The following TTC39C variants were observed in gnomAD, a reference collection of about 807,000 sequenced individuals.
TTC39C encodes tetratricopeptide repeat protein 39C.
Under a neutral mutation model 76.3 loss-of-function variants are expected in TTC39C, and 33 were observed. The observed-to-expected ratio is 0.43, with a 90% confidence interval of 0.33 to 0.58. The LOEUF is 0.58. Ranked by LOEUF, TTC39C falls within the 20% of genes least tolerant of loss-of-function variation. TTC39C has a pLI of 0.04. For synonymous variants in TTC39C, 254 were observed against 260.6 expected (o/e 0.97, Z 0.24); for missense variants, 595 against 701.4 (o/e 0.85, Z 1.71).
intron 1 of TTC39C, among the ~76,000 whole-genome samples, chr18:24,043,663 A>G (rs1394646868): frequency 1.3e-5 from 2 of 152,180 alleles, no homozygotes; most frequent in African/African-American, 4.8e-5. Context: ...TCCCACATTC[A>G]GAGCTTTCAC....
At position 24,014,921 on chromosome 18, in the gene TTC39C, C is replaced by T. The variant is rs2083432431; in HGVS notation, c.50C>T (p.Ser17Leu). The T allele has an allele frequency of 1.3e-6, 2 of 1,519,174 alleles. No homozygotes were observed. Among genetic ancestry groups the T allele is most frequent in the African/African-American group, 1.4e-5 (1 of 69,180 alleles). 94.1% of individuals were successfully genotyped at this position (1,519,174 alleles called of 1,614,324 possible). A position where few individuals can be genotyped will look rare whatever the true frequency, so the allele number is the denominator to read the frequency against. Residue 17 changes from serine to leucine, a missense_variant, in exon 1 of 14, where the codon TCG becomes TTG. Ser to Leu is a moderately radical substitution (Grantham distance 145). Transcript: ENST00000317571. ...QRPRRRDDGD[S>L]DAAAAAAAPL... is the part of the protein sequence containing the mutation. ...CCGCGGCGGCGGGACGACGGAGACT[C>T]GGACGCGGCAGCGGCGGCGGCGGCG... is the stretch of plus-strand genomic sequence containing the variant.
chr18:24,011,893 C>A (rs2083396270), upstream of TTC39C, among the ~76,000 whole-genome samples: 1 of 152,142 alleles, frequency 6.6e-6, no homozygotes, highest in African/African-American at 2.4e-5. Flanking sequence ...CTGAAGACTG[C>A]ATTAGTTTTG....
chr18:24,045,889 G>GAAA (rs1193600114), intron 1 of TTC39C, among the ~76,000 whole-genome samples: 1 of 56,352 alleles, frequency 1.8e-5, no homozygotes, highest in African/African-American at 7.4e-5. Context: ...TTCCTTCTGT[G>GAAA]AAAATATATA....
chr18:24,037,048 T>C (rs891680726), intron 1 of TTC39C, among the ~76,000 whole-genome samples: 1 of 152,236 alleles, frequency 6.6e-6, no homozygotes, highest in African/African-American at 2.4e-5. Flanking sequence ...TTGCTCTGGC[T>C]AGGACTTCTA....
At chr18:24,088,128 A>T (rs1432269361) in intron 6 of TTC39C, among the ~76,000 whole-genome samples, 2 of 152,246 alleles carry the variant, frequency 1.3e-5, no homozygotes, top group African/African-American at 4.8e-5. Context: ...TGAAATAAGA[A>T]GATGATCTCC....
intron 1 of TTC39C, among the ~76,000 whole-genome samples, chr18:24,031,565 C>A (rs2083671338): frequency 6.6e-6 from 1 of 152,154 alleles, no homozygotes; most frequent in Non-Finnish European, 1.5e-5. Context: ...TTTTGCCTCT[C>A]AAGTATCTGT....
At chr18:24,104,753 AT>A (rs2084726375) in intron 6 of TTC39C, among the ~76,000 whole-genome samples, 1 of 149,414 alleles carries the variant, frequency 6.7e-6, no homozygotes, top group South Asian at 2.1e-4. Flanking sequence ...TGATGAATGA[AT>A]ACAAAGTACA....
Position 24,105,695 on chromosome 18 carries a change from G to A in TTC39C, c.985-8859G>A, listed in dbSNP as rs967591275. ...GAAAGACACTTCCATGCCACCACAT[G>A]GGTGATGGTGGACAGAGGTGAATGG... On this transcript the variant is annotated intron_variant, in intron 6 of 13. Transcript: ENST00000317571. Among the ~76,000 whole-genome samples, 4 of 152,236 alleles carry A rather than the reference G, an allele frequency of 2.6e-5. No individual in the cohort carries two copies. In the East Asian group the frequency reaches 7.7e-4, roughly 29 times the overall value.
intron 6 of TTC39C, among the ~76,000 whole-genome samples, chr18:24,098,523 GTCCCCTCCCC>G (rs1189197131): frequency 1.2e-3 from 25 of 21,712 alleles, no homozygotes; most frequent in African/African-American, 4.0e-3. Context: ...CTCCCCTCCC[GTCCCCTCCCC>G]TCCCCTCCCC....
intron 8 of TTC39C, chr18:24,121,082 C>T (rs904429582): frequency 5.9e-5 from 9 of 152,118 alleles, no homozygotes; most frequent in African/African-American, 2.2e-4. Context: ...GATCATATAC[C>T]TCTACTATTC....
At chr18:24,002,386 G>C (rs955392630) in intron 1 of TTC39C, among the ~76,000 whole-genome samples, 6 of 152,314 alleles carry the variant, frequency 3.9e-5, no homozygotes, top group Middle Eastern at 3.4e-3. Context: ...ACTCTAACTT[G>C]ATGAGATCTC....
At position 24,103,943 on chromosome 18, in the gene TTC39C, T is replaced by G. The variant is rs7241255; in HGVS notation, c.985-10611T>G. Among the ~76,000 whole-genome samples, 154 of 151,682 alleles carry G rather than the reference T, an allele frequency of 1.0e-3. 1 individual carries two copies. The highest frequency in any genetic ancestry group is 3.0e-3 in the African/African-American group (124 of 41,162). On this transcript the variant is annotated intron_variant, in intron 6 of 13. Transcript: ENST00000317571. ...ACATTCTCTCTCTGTTTTTTTTTTT[T>G]TTGTTTGAGACGGAGTCTTGTTCTG...
chr18:24,067,761 C>CATA (rs2084184279), intron 3 of TTC39C, among the ~76,000 whole-genome samples: 2 of 152,228 alleles, frequency 1.3e-5, no homozygotes, highest in South Asian at 4.2e-4. Context: ...ATTCATTGAC[C>CATA]ATAATATAGT....
chr18:24,068,619 T>G (rs920844736), intron 3 of TTC39C, among the ~76,000 whole-genome samples: 7 of 152,256 alleles, frequency 4.6e-5, no homozygotes, highest in Non-Finnish European at 8.8e-5. Context: ...GACTTATATT[T>G]CAAGTAGTTT....
chr18:24,037,457 T>C (rs2083745667), intron 1 of TTC39C, among the ~76,000 whole-genome samples: 1 of 152,226 alleles, frequency 6.6e-6, no homozygotes, highest in Non-Finnish European at 1.5e-5. Flanking sequence ...AAACATGAGT[T>C]ATTCTGGGTT....
At chr18:24,067,711 C>T (rs2084183473) in intron 3 of TTC39C, among the ~76,000 whole-genome samples, 1 of 152,188 alleles carries the variant, frequency 6.6e-6, no homozygotes, top group Admixed American at 6.5e-5. Context: ...TTCCGTGAAG[C>T]TGGTCCCTGG....
intron 6 of TTC39C, among the ~76,000 whole-genome samples, chr18:24,108,752 C>T (rs1204894209): frequency 6.6e-6 from 1 of 152,162 alleles, no homozygotes; most frequent in Non-Finnish European, 1.5e-5. Context: ...TTTGTCCCTT[C>T]TCTTGCCACA....
intron 10 of TTC39C, among the ~76,000 whole-genome samples, chr18:24,128,363 C>G (rs2085076742): frequency 1.1e-4 from 16 of 151,224 alleles, no homozygotes; most frequent in Admixed American, 1.1e-3. Context: ...TTCCTCTCAC[C>G]TTCAAGTTAC....
At chr18:24,084,245 A>G (rs1023848008) in intron 6 of TTC39C, among the ~76,000 whole-genome samples, 4 of 152,170 alleles carry the variant, frequency 2.6e-5, no homozygotes, top group African/African-American at 9.7e-5. Flanking sequence ...GCACTTTGGG[A>G]GGCTGAGGCA....
Sources: allele counts gnomAD v4.1 joint callset (sites outside exome capture counted in the v4.1 genomes callset), GRCh38; gene constraint gnomAD v4.1.1; transcripts MANE v1.5; gene names NCBI Gene and HGNC (gene_info 2026-07-23, HGNC 2026-07-21).